Variants in TANC2 observed in about 807,000 individuals in gnomAD.
TANC2 encodes the protein protein TANC2.
Under a neutral mutation model 210.5 loss-of-function variants are expected in TANC2, and 26 were observed. The ratio of observed to expected loss-of-function variants is 0.12; its 90% CI spans 0.09 to 0.17. TANC2 has a LOEUF of 0.17. Among genes scored for constraint, TANC2 ranks in the 10% least tolerant of loss-of-function variants. The probability of loss-of-function intolerance (pLI) is 1.00; values close to 1 mark genes in which losing one functional copy is unlikely to be tolerated. For synonymous variants in TANC2, 931 were observed against 967.1 expected (o/e 0.96, Z 0.69); for missense variants, 2,129 against 2,608.9 (o/e 0.82, Z 4.01).
intron 1 of TANC2, among the ~76,000 whole-genome samples, chr17:62,984,782 G>A (rs2032486973): frequency 6.6e-6 from 1 of 151,984 alleles, no homozygotes; most frequent in East Asian, 1.9e-4. Context: ...TGTTGCTCTT[G>A]TAATTTTTAG....
At chr17:63,165,232 C>T (rs2040172118) in intron 5 of TANC2, among the ~76,000 whole-genome samples, 1 of 151,864 alleles carries the variant, frequency 6.6e-6, no homozygotes, top group Non-Finnish European at 1.5e-5. Flanking sequence ...TATGGTAGCA[C>T]CACTGCACTC....
chr17:62,992,804 T>C (rs766063221), intron 1 of TANC2, among the ~76,000 whole-genome samples: 3 of 152,246 alleles, frequency 2.0e-5, no homozygotes, highest in Non-Finnish European at 2.9e-5. Context: ...TTCCTATTGC[T>C]GCTGTAACAA....
chr17:63,209,813 A>G (rs1488043815), intron 7 of TANC2, among the ~76,000 whole-genome samples: 3 of 152,204 alleles, frequency 2.0e-5, no homozygotes, highest in Non-Finnish European at 2.9e-5. Flanking sequence ...GGTTTTTAAA[A>G]TGTTTATTTC....
chr17:63,330,099 G>A (rs1308644829), intron 11 of TANC2, among the ~76,000 whole-genome samples: 1 of 152,166 alleles, frequency 6.6e-6, no homozygotes, highest in Non-Finnish European at 1.5e-5. Flanking sequence ...TAGTGGTCTA[G>A]TTAGAAAATC....
intron 14 of TANC2, among the ~76,000 whole-genome samples, chr17:63,359,209 A>G (rs2046879510): frequency 6.6e-6 from 1 of 151,974 alleles, no homozygotes; most frequent in Non-Finnish European, 1.5e-5. Context: ...GACCACAGGC[A>G]CATGCCACCA....
chr17:63,096,304 T>C (rs2037385737), intron 3 of TANC2, among the ~76,000 whole-genome samples: 1 of 151,984 alleles, frequency 6.6e-6, no homozygotes, highest in Non-Finnish European at 1.5e-5. Context: ...GGCCCAGAGA[T>C]GAATGAGAAG....
At chr17:63,014,020 A>G (rs570224587) in intron 2 of TANC2, among the ~76,000 whole-genome samples, 2 of 151,504 alleles carry the variant, frequency 1.3e-5, no homozygotes, top group Non-Finnish European at 2.9e-5. Flanking sequence ...TATGCTGGAT[A>G]TTTTCTTTTG....
chr17:63,111,949 C>T (rs1262447411), intron 4 of TANC2, among the ~76,000 whole-genome samples: 4 of 152,160 alleles, frequency 2.6e-5, no homozygotes, highest in Admixed American at 2.0e-4. Flanking sequence ...TGGTCTCGAT[C>T]TCCTGACCTT....
chr17:63,201,444 G>T (rs900300835), intron 7 of TANC2, among the ~76,000 whole-genome samples: 8 of 151,980 alleles, frequency 5.3e-5, no homozygotes, highest in African/African-American at 1.9e-4. Context: ...TTGTCAATAA[G>T]ACAGCCCTGT....
chr17:63,339,728 T>C (rs2046162796), intron 11 of TANC2, among the ~76,000 whole-genome samples: 1 of 143,368 alleles, frequency 7.0e-6, no homozygotes, highest in African/African-American at 3.0e-5. Flanking sequence ...GTTTAAAGAT[T>C]AGACTATTTC....
chr17:63,173,442 C>CT (rs929955146), intron 5 of TANC2, among the ~76,000 whole-genome samples: 2 of 152,180 alleles, frequency 1.3e-5, no homozygotes, highest in Non-Finnish European at 2.9e-5. Flanking sequence ...GATGACCTCT[C>CT]TAATTTTTGC....
At chr17:63,287,015 C>A (rs1377865273) in intron 9 of TANC2, among the ~76,000 whole-genome samples, 3 of 152,208 alleles carry the variant, frequency 2.0e-5, no homozygotes, top group African/African-American at 7.2e-5. Flanking sequence ...CCCACTGCAA[C>A]CTCTGCCTCC....
At chr17:63,125,357 CCTATGTATCTCT>C (rs2038668350) in intron 4 of TANC2, 1 of 152,146 alleles carries the variant, frequency 6.6e-6, no homozygotes, top group Non-Finnish European at 1.5e-5. Flanking sequence ...ACTGCATGAT[CCTATGTATCTCT>C]CTATACCTTT....
exon 4 of TANC2, chr17:63,099,351 T>G: frequency 6.6e-7 from 1 of 1,525,412 alleles, no homozygotes; most frequent in Non-Finnish European, 8.9e-7. Context: ...TGTGAAGAAG[T>G]TAACTGGTAA....
chr17:63,408,230 A>G (rs2048579429), intron 21 of TANC2, among the ~76,000 whole-genome samples: 1 of 152,250 alleles, frequency 6.6e-6, no homozygotes, highest in Non-Finnish European at 1.5e-5. Flanking sequence ...TATTTTGGAT[A>G]TGAAGCCTGA....
chr17:63,256,563 T>C (rs772932545), intron 8 of TANC2, among the ~76,000 whole-genome samples: 14 of 152,244 alleles, frequency 9.2e-5, no homozygotes, highest in Non-Finnish European at 1.9e-4. Flanking sequence ...AGAATGTCTA[T>C]TCTGCAGCCA....
At chr17:63,125,152 C>T (rs758095389) in intron 4 of TANC2, 9 of 152,224 alleles carry the variant, frequency 5.9e-5, no homozygotes, top group Non-Finnish European at 1.3e-4. Context: ...CCTGCGCTTA[C>T]TAGCAGTGTG....
At chr17:63,387,054 A>T (rs1214829847) in intron 15 of TANC2, among the ~76,000 whole-genome samples, 3 of 151,980 alleles carry the variant, frequency 2.0e-5, no homozygotes, top group Admixed American at 1.3e-4. Context: ...TAGTCTCCCT[A>T]CATTTCCCTG....
At chr17:63,325,793 T>C (rs964798314) in intron 11 of TANC2, among the ~76,000 whole-genome samples, 1 of 152,220 alleles carries the variant, frequency 6.6e-6, no homozygotes, top group African/African-American at 2.4e-5. Flanking sequence ...CAGAATCAGA[T>C]TCATGTGTTC....
Sources: allele counts gnomAD v4.1 joint callset (sites outside exome capture counted in the v4.1 genomes callset), GRCh38; gene constraint gnomAD v4.1.1; transcripts MANE v1.5; gene names NCBI Gene and HGNC (gene_info 2026-07-23, HGNC 2026-07-21).